CIBAR1: variants seen among roughly 807,000 people sequenced by gnomAD.
The protein encoded by CIBAR1 is CBY1-interacting BAR domain-containing protein 1.
Under a neutral mutation model 44.0 loss-of-function variants are expected in CIBAR1, and 25 were observed. That is an observed-to-expected ratio of 0.57 (90% CI 0.41 to 0.79). CIBAR1 has a LOEUF of 0.79. CIBAR1 is among the 30% of genes least tolerant of loss of function. CIBAR1 has a pLI of 0.00. For synonymous variants in CIBAR1, 115 were observed against 119.0 expected, an observed-to-expected ratio of 0.97 and a Z score of 0.22; for missense variants, 278 against 344.8, an observed-to-expected ratio of 0.81 and a Z score of 1.53.
chr8:93,725,635 T>G (rs1811459005), intron 7 of CIBAR1, among the ~76,000 whole-genome samples: 1 of 152,118 alleles, frequency 6.6e-6, no homozygotes, highest in Non-Finnish European at 1.5e-5. Flanking sequence ...GATCTTGAGC[T>G]TGTTTTTTAG....
intron 6 of CIBAR1, among the ~76,000 whole-genome samples, chr8:93,714,192 T>G (rs1810945667): frequency 6.6e-6 from 1 of 152,224 alleles, no homozygotes; most frequent in Non-Finnish European, 1.5e-5. Flanking sequence ...TTTGTTAAAC[T>G]TCTTCCTAAG....
At position 93,709,731 on chromosome 8, in the gene CIBAR1, T is replaced by A. The variant is rs1384823427; in HGVS notation, c.439-40T>A. Reference sequence around the variant, plus strand: ...AGGCTCAATTGAATGAATTCTCATTTGATTTTTTTTATATCCTTGGTTGGG... The same window carrying A: ...AGGCTCAATTGAATGAATTCTCATTAGATTTTTTTTATATCCTTGGTTGGG... On this transcript the variant is annotated intron_variant, in intron 5 of 8. Coordinates refer to ENST00000518322, the MANE Select transcript of CIBAR1 (RefSeq NM_145269.5). The A allele has an allele frequency of 4.5e-6, 7 of 1,555,936 alleles. No individual in the cohort carries two copies. In the Admixed American group the frequency reaches 8.7e-5, roughly 19 times the overall value.
chr8:93,705,141 A>G (rs1355613951), intron 4 of CIBAR1, 131 bp downstream of exon 4: 4 of 616,446 alleles, frequency 6.5e-6, no homozygotes, highest in Non-Finnish European at 1.1e-5. Flanking sequence ...AAAGAAATGC[A>G]TTTAGGAATT....
intron 6 of CIBAR1, among the ~76,000 whole-genome samples, chr8:93,713,035 T>TC (rs1245589204): frequency 7.0e-6 from 1 of 143,704 alleles, no homozygotes. Context: ...TTTTTTTTCT[T>TC]TTTTTTTTTT....
chr8:93,720,737 G>A (rs1811231514), intron 7 of CIBAR1: 2 of 152,312 alleles, frequency 1.3e-5, no homozygotes, highest in South Asian at 2.1e-4. Flanking sequence ...CAGGCTTGGT[G>A]GCACGCGCCT....
In CIBAR1 at chr8:93,700,618, C is replaced by G. The variant is rs776865567; in HGVS notation, c.-30C>G. 31 of 1,482,886 alleles carry G rather than the reference C, an allele frequency of 2.1e-5. No individual in the cohort carries two copies. Among genetic ancestry groups the G allele is most frequent in the Non-Finnish European group, 2.8e-5 (31 of 1,116,570 alleles). 91.9% of individuals were successfully genotyped at this position (1,482,886 alleles called of 1,614,324 possible). A position where few individuals can be genotyped will look rare whatever the true frequency, so the allele number is the denominator to read the frequency against. ...CTTGGAATCCCCGTCCTTGGGCCCC[C>G]GCAAGGTCCCCGGCCGTGCGCGAGG... On this transcript the variant is annotated 5_prime_UTR_variant, in exon 1 of 9. Transcript: ENST00000518322.
chr8:93,720,886 TATCAAGCTTTCATCTGTC>T (rs1811238696), intron 7 of CIBAR1: 1 of 152,228 alleles, frequency 6.6e-6, no homozygotes, highest in South Asian at 2.1e-4. Flanking sequence ...AAAACTTGAT[TATCAAGCTTTCATCTGTC>T]ATTTATAAAA....
intron 7 of CIBAR1, among the ~76,000 whole-genome samples, chr8:93,723,301 C>A (rs1274771737): frequency 6.6e-6 from 1 of 152,124 alleles, no homozygotes; most frequent in Non-Finnish European, 1.5e-5. Context: ...CGGCCCAAGT[C>A]ATTGCATTTT....
chr8:93,702,127 G>A, intron 2 of CIBAR1: 2 of 300,372 alleles, frequency 6.7e-6, no homozygotes, highest in South Asian at 5.8e-5. Flanking sequence ...ATCAGAAGTT[G>A]CCCAGTTAGA....
At chr8:93,720,480 T>C (rs1176546306) in intron 7 of CIBAR1, among the ~76,000 whole-genome samples, 3 of 152,228 alleles carry the variant, frequency 2.0e-5, no homozygotes, top group African/African-American at 7.2e-5. Flanking sequence ...ATATTTATAT[T>C]TCTCTATTTG....
In CIBAR1 at chr8:93,722,479, A is replaced by G. The variant is rs751022749; in HGVS notation, c.657+3691A>G. Among the ~76,000 whole-genome samples, 8 of 152,228 alleles carry G rather than the reference A, an allele frequency of 5.3e-5. No homozygotes were observed. The East Asian group carries it at 1.5e-3, about 29-fold the overall frequency. ...TTTGGGAGGCCGAGGCAGGCGGATC[A>G]TGAGGTCAGGAGTTCGAGACCATCC... On this transcript the variant is annotated intron_variant, in intron 7 of 8. Transcript: ENST00000518322.
At chr8:93,724,327 T>A (rs1039996679) in intron 7 of CIBAR1, among the ~76,000 whole-genome samples, 1 of 152,182 alleles carries the variant, frequency 6.6e-6, no homozygotes, top group African/African-American at 2.4e-5. Flanking sequence ...AAGTTTTATA[T>A]ATATAAAATT....
chr8:93,717,575 A>G (rs1811082197), intron 6 of CIBAR1, among the ~76,000 whole-genome samples: 1 of 152,088 alleles, frequency 6.6e-6, no homozygotes, highest in Non-Finnish European at 1.5e-5. Context: ...TGTTTTTCCA[A>G]TCATCTAGGA....
chr8:93,703,550 G>A (rs1328174882), intron 2 of CIBAR1, 70 bp from the exon 3 acceptor site: 2 of 866,130 alleles, frequency 2.3e-6, no homozygotes, highest in African/African-American at 3.5e-5. Flanking sequence ...TCAATTTCTA[G>A]TGATTAGCCT....
chr8:93,728,163 A>T (rs745616903), intron 8 of CIBAR1, 42 bp from the exon 9 acceptor site: 2 of 1,289,982 alleles, frequency 1.6e-6, no homozygotes, highest in Non-Finnish European at 1.0e-6. Context: ...AATTTTTTTA[A>T]GTTAGTATTT....
intron 7 of CIBAR1, 106 bp downstream of exon 7, chr8:93,718,894 C>CAAAAA: frequency 1.6e-6 from 1 of 627,056 alleles, no homozygotes; most frequent in Non-Finnish European, 2.5e-6. Context: ...GACAGAGTCT[C>CAAAAA]ACTCTGTTGC....
At chr8:93,713,503 T>C (rs1278921564) in intron 6 of CIBAR1, among the ~76,000 whole-genome samples, 1 of 152,224 alleles carries the variant, frequency 6.6e-6, no homozygotes, top group Non-Finnish European at 1.5e-5. Context: ...TTTCATGAAA[T>C]CCAATTTATC....
Position 93,702,198 on chromosome 8 carries a change from AGAATGAGTATAAAAAAAATT to A in CIBAR1, c.261+744_261+763del. 4.9e-6 allele frequency: 2 copies of A among 410,756 alleles called. 1 individual carries two copies. The highest frequency in any genetic ancestry group is 3.7e-5 in the South Asian group (2 of 54,656). The allele number at this position is 410,756 out of a possible 1,614,324, so 25.4% of individuals were successfully genotyped here. On this transcript the variant is annotated intron_variant, in intron 2 of 8. Coordinates refer to ENST00000518322, the MANE Select transcript of CIBAR1 (RefSeq NM_145269.5). ...ACGGGAATTTCAATTTTCAAAAAAC[AGAATGAGTATAAAAAAAATT>A]GAACTCATCATTGCTATCCATACAA...
At chr8:93,711,195 C>G (rs1192528482) in intron 6 of CIBAR1, among the ~76,000 whole-genome samples, 1 of 152,188 alleles carries the variant, frequency 6.6e-6, no homozygotes, top group African/African-American at 2.4e-5. Context: ...TTATGACCAT[C>G]TTACAGACTA....
Sources: gnomAD v4.1 joint callset for allele counts (sites outside exome capture counted in the v4.1 genomes callset) on GRCh38, gnomAD v4.1.1 for gene constraint, MANE v1.5 for transcripts, NCBI Gene and HGNC (gene_info 2026-07-23, HGNC 2026-07-21) for gene names.